The following KCNQ5 variants were observed in gnomAD, a reference collection of about 807,000 sequenced individuals.
KCNQ5 encodes potassium voltage-gated channel subfamily Q member 5.
A neutral mutation model predicts 98.2 loss-of-function variants in KCNQ5; 30 were observed. That is an observed-to-expected ratio of 0.31 (90% CI 0.23 to 0.41). The LOEUF is 0.41. Ranked by LOEUF, KCNQ5 falls within the 10% of genes least tolerant of loss-of-function variation. KCNQ5 has a pLI of 1.00. For missense variants in KCNQ5, 835 were observed against 1,182.5 expected, an observed-to-expected ratio of 0.71 and a Z score of 4.31; for synonymous variants, 458 against 449.4, an observed-to-expected ratio of 1.02 and a Z score of -0.24.
chr6:73,049,951 C>A (rs548156915), intron 3 of KCNQ5, among the ~76,000 whole-genome samples: 18 of 151,940 alleles, frequency 1.2e-4, no homozygotes, highest in Admixed American at 1.2e-3. Flanking sequence ...AAAGGGAGAG[C>A]AAGGTAGGAG....
intron 1 of KCNQ5, among the ~76,000 whole-genome samples, chr6:72,772,448 CACTA>C (rs534084624): frequency 4.7e-4 from 71 of 152,194 alleles, no homozygotes; most frequent in African/African-American, 1.6e-3. Context: ...TGGCTTTATA[CACTA>C]AGAAGAGAAA....
chr6:73,116,896 C>G (rs4379253), intron 7 of KCNQ5, among the ~76,000 whole-genome samples: 145,867 of 152,274 alleles, frequency 0.96, 69,862 homozygotes, highest in South Asian at 0.99. Flanking sequence ...CAGCTGAAAC[C>G]TTCTAAACCA....
chr6:72,680,425 A>G (rs1188877749), intron 1 of KCNQ5, among the ~76,000 whole-genome samples: 1 of 152,226 alleles, frequency 6.6e-6, no homozygotes. Flanking sequence ...TTATCCACCA[A>G]TCAGTTAATG....
intron 5 of KCNQ5, among the ~76,000 whole-genome samples, chr6:73,089,936 G>A (rs1021426057): frequency 2.0e-5 from 3 of 152,160 alleles, no homozygotes; most frequent in Admixed American, 2.0e-4. Context: ...AACCAGTAGT[G>A]AGATTGCTGG....
intron 1 of KCNQ5, among the ~76,000 whole-genome samples, chr6:72,857,677 T>C (rs1205279202): frequency 6.6e-6 from 1 of 152,172 alleles, no homozygotes; most frequent in Non-Finnish European, 1.5e-5. Flanking sequence ...CAATGGCAGC[T>C]TTGTTGACCC....
intron 1 of KCNQ5, among the ~76,000 whole-genome samples, chr6:72,881,134 G>C (rs1778622158): frequency 6.6e-6 from 1 of 152,136 alleles, no homozygotes; most frequent in African/African-American, 2.4e-5. Context: ...TTAAACCTTA[G>C]GAAAGCCATA....
At chr6:72,800,196 A>G (rs1399373193) in intron 1 of KCNQ5, among the ~76,000 whole-genome samples, 1 of 152,200 alleles carries the variant, frequency 6.6e-6, no homozygotes, top group Non-Finnish European at 1.5e-5. Context: ...ATAGTTTCAG[A>G]AGGAATGGTA....
chr6:72,898,363 C>T (rs1336819565), intron 1 of KCNQ5, among the ~76,000 whole-genome samples: 1 of 152,044 alleles, frequency 6.6e-6, no homozygotes, highest in Non-Finnish European at 1.5e-5. Context: ...GTGTGTTGTT[C>T]CCCTCTCTGT....
intron 1 of KCNQ5, among the ~76,000 whole-genome samples, chr6:72,648,122 T>G (rs942706772): frequency 6.6e-6 from 1 of 152,088 alleles, no homozygotes; most frequent in African/African-American, 2.4e-5. Flanking sequence ...TTTATAGCAG[T>G]CACATTATGT....
At chr6:72,685,553 A>T (rs1009839230) in intron 1 of KCNQ5, among the ~76,000 whole-genome samples, 2 of 152,204 alleles carry the variant, frequency 1.3e-5, no homozygotes, top group East Asian at 3.8e-4. Context: ...GAGATGTTGT[A>T]TGCATTATCA....
intron 1 of KCNQ5, among the ~76,000 whole-genome samples, chr6:72,750,193 T>A (rs1034993233): frequency 1.3e-5 from 2 of 152,114 alleles, no homozygotes; most frequent in Non-Finnish European, 2.9e-5. Flanking sequence ...AACTCCCAAG[T>A]GCATTTCCTA....
chr6:72,784,860 G>C (rs1773655046), intron 1 of KCNQ5, among the ~76,000 whole-genome samples: 1 of 152,204 alleles, frequency 6.6e-6, no homozygotes, highest in Non-Finnish European at 1.5e-5. Context: ...AGCCTCCGTG[G>C]TAGAGATTAC....
chr6:72,815,000 G>A (rs74477138), intron 1 of KCNQ5, among the ~76,000 whole-genome samples: 2,584 of 152,260 alleles, frequency 0.017, 80 homozygotes, highest in African/African-American at 0.058. Flanking sequence ...GCAAATATCA[G>A]GCAAGGGGAG....
At chr6:73,172,264 T>G (rs1394860902) in intron 11 of KCNQ5, among the ~76,000 whole-genome samples, 2 of 152,098 alleles carry the variant, frequency 1.3e-5, no homozygotes, top group Non-Finnish European at 2.9e-5. Flanking sequence ...CATTTCAAAT[T>G]AACAGATTGT....
chr6:73,076,106 C>A (rs542762973), intron 3 of KCNQ5, among the ~76,000 whole-genome samples: 7 of 152,104 alleles, frequency 4.6e-5, no homozygotes, highest in African/African-American at 7.2e-5. Context: ...ACTGACCCCC[C>A]CTCTCTCTCA....
At chr6:72,767,346 A>G (rs565729598) in intron 1 of KCNQ5, among the ~76,000 whole-genome samples, 3 of 152,136 alleles carry the variant, frequency 2.0e-5, no homozygotes, top group South Asian at 2.1e-4. Context: ...GTCAAAATGG[A>G]TCAAGACCTA....
rs116648968 is a variant in KCNQ5 at position 72,741,122 on chromosome 6, G to A, written c.398+118535G>A. On this transcript the variant is annotated intron_variant, in intron 1 of 13. Transcript: ENST00000370398. ...GCCCTTTTCCTGAGGGCGAAATACA[G>A]GAGTTGGGATGTTTAGAAAAGCTGA... Among the ~76,000 whole-genome samples the A allele has an allele frequency of 5.9e-3, 902 of 152,296 alleles. 14 individuals carry two copies. The highest frequency in any genetic ancestry group is 0.02 in the African/African-American group (825 of 41,562).
chr6:73,107,738 T>G (rs1173821000), intron 6 of KCNQ5, among the ~76,000 whole-genome samples: 1 of 152,194 alleles, frequency 6.6e-6, no homozygotes, highest in Non-Finnish European at 1.5e-5. Context: ...AGTATGAAAT[T>G]TTTATATGCA....
chr6:73,133,718 A>G (rs567428527), intron 10 of KCNQ5, 77 bp downstream of exon 10: 3 of 1,229,402 alleles, frequency 2.4e-6, no homozygotes, highest in Non-Finnish European at 2.3e-6. Flanking sequence ...TTAATTCTCC[A>G]TAGTGCCACT....
Sources: allele counts gnomAD v4.1 joint callset (sites outside exome capture counted in the v4.1 genomes callset), GRCh38; gene constraint gnomAD v4.1.1; transcripts MANE v1.5; gene names NCBI Gene and HGNC (gene_info 2026-07-23, HGNC 2026-07-21).